The following HLF variants were observed in gnomAD, a reference collection of about 807,000 sequenced individuals.
HLF encodes the protein HLF transcription factor, PAR bZIP family member.
HLF carries 3 observed loss-of-function variants against 22.6 expected under a neutral mutation model. The ratio of observed to expected loss-of-function variants is 0.13; its 90% CI spans 0.06 to 0.34. The LOEUF (loss-of-function observed/expected upper bound fraction) is 0.34, where lower values mean the gene tolerates loss of function less well. HLF is among the 10% of genes least tolerant of loss of function. The pLI is 1.00. For synonymous variants in HLF, 151 were observed against 151.8 expected (o/e 0.99, Z 0.04); for missense variants, 299 against 389.2 (o/e 0.77, Z 1.95).
At chr17:55,274,787 A>G (rs2145304417) in intron 2 of HLF, among the ~76,000 whole-genome samples, 1 of 152,352 alleles carries the variant, frequency 6.6e-6, no homozygotes, top group Middle Eastern at 3.4e-3. Flanking sequence ...AGTAATTGTC[A>G]CAGTGCCTCG....
rs1299945592 is a variant in HLF at position 55,267,742 on chromosome 17, C to T, written c.116-9C>T. 14 of 1,534,796 alleles carry T rather than the reference C, an allele frequency of 9.1e-6. No individual in the cohort carries two copies. Among genetic ancestry groups the T allele is most frequent in the Non-Finnish European group, 1.2e-5 (14 of 1,135,040 alleles). ...TTTTTTTTAAGTCCAGCTTTCCCTT[C>T]TTCTGCAGCATTTAGTAAAGATAAA... On this transcript the variant is annotated splice_polypyrimidine_tract_variant and intron_variant, in intron 1 of 3. Coordinates refer to ENST00000226067, the MANE Select transcript of HLF (RefSeq NM_002126.5).
At chr17:55,295,860 G>T (rs146086342) in intron 2 of HLF, among the ~76,000 whole-genome samples, 1 of 152,144 alleles carries the variant, frequency 6.6e-6, no homozygotes, top group Non-Finnish European at 1.5e-5. Context: ...GGAGGAGGAG[G>T]GGGAGGCCAG....
At chr17:55,289,656 CCTTATT>C (rs1401558567) in intron 2 of HLF, among the ~76,000 whole-genome samples, 6 of 152,152 alleles carry the variant, frequency 3.9e-5, no homozygotes, top group Admixed American at 1.3e-4. Flanking sequence ...TGGCAAACAT[CCTTATT>C]CTTATCACCC....
chr17:55,270,832 C>T (rs917382022), intron 2 of HLF, among the ~76,000 whole-genome samples: 61 of 152,062 alleles, frequency 4.0e-4, no homozygotes, highest in Admixed American at 5.9e-4. Flanking sequence ...TTAGTAGAGA[C>T]GGGGTTTCAC....
In HLF at chr17:55,277,156, A is replaced by G. The variant is rs987230477; in HGVS notation, c.451+9070A>G. Among the ~76,000 whole-genome samples the G allele has an allele frequency of 2.6e-5, 4 of 152,194 alleles. No homozygotes were observed. In the East Asian group the frequency reaches 7.7e-4, roughly 29 times the overall value. On this transcript the variant is annotated intron_variant, in intron 2 of 3. Transcript: ENST00000226067. The stretch of plus-strand genomic sequence containing the variant: ...AAATAGATTTTAATAAACCCAACTC[A>G]TTAACGTTCATCACTTTTAAATGCC...
Position 55,315,430 on chromosome 17 carries a change from A to C in HLF, c.655A>C (p.Ile219Leu). ...GATCAAGAAAGCTCGCAAAGTCTTC[A>C]TCCCTGATGACCTGAAGGTAAATTG... ...PMIKKARKVFIPDDLKDDKYW... is the reference protein window; with the variant it reads ...PMIKKARKVFLPDDLKDDKYW... The change falls in exon 3 of 4, where the codon ATC becomes CTC. Residue 219 changes from isoleucine (I) to leucine (L), a missense_variant. This residue lies in a region of HLF where 224 missense variants were observed against 298.1 expected (regional missense o/e 0.75). Coordinates refer to ENST00000226067, the MANE Select transcript of HLF (RefSeq NM_002126.5). 6.2e-7 allele frequency: 1 copy of C among 1,613,782 alleles called. No individual in the cohort carries two copies. Among genetic ancestry groups the C allele is most frequent in the Non-Finnish European group, 8.5e-7 (1 of 1,179,654 alleles).
At position 55,324,483 on chromosome 17, in the gene HLF, C is replaced by T. The variant is rs1321529690; in HGVS notation, c.*3604C>T. The stretch of plus-strand genomic sequence containing the variant: ...CCCTATTCTTCCTTTAAGGAAAACT[C>T]AATCTTTATCACAGTCAATTAGAGC... On this transcript the variant is annotated 3_prime_UTR_variant, in exon 4 of 4. Transcript: ENST00000226067. 1.3e-5 allele frequency: 3 copies of T among 231,764 alleles called. No individual in the cohort carries two copies. Among genetic ancestry groups the T allele is most frequent in the Non-Finnish European group, 2.6e-5 (3 of 117,180 alleles). 14.4% of individuals were successfully genotyped at this position (231,764 alleles called of 1,614,324 possible). A position where few individuals can be genotyped will look rare whatever the true frequency, so the allele number is the denominator to read the frequency against.
At position 55,321,472 on chromosome 17, in the gene HLF, G is replaced by A. The variant is rs1214770751; in HGVS notation, c.*593G>A. 4.3e-6 allele frequency: 1 copy of A among 231,206 alleles called. No homozygotes were observed. Among genetic ancestry groups the A allele is most frequent in the East Asian group, 6.2e-5 (1 of 16,168 alleles). The allele number at this position is 231,206 out of a possible 1,614,324, so 14.3% of individuals were successfully genotyped here. ...ATAATCGTCTTCAAATTAAAGTGCT[G>A]TTTAGATTTATTAGATCCCATATTT... is the stretch of plus-strand genomic sequence containing the variant. On this transcript the variant is annotated 3_prime_UTR_variant, in exon 4 of 4. Coordinates refer to ENST00000226067, the MANE Select transcript of HLF (RefSeq NM_002126.5).
At chr17:55,279,159 T>C (rs1056334182) in intron 2 of HLF, among the ~76,000 whole-genome samples, 6 of 152,238 alleles carry the variant, frequency 3.9e-5, no homozygotes, top group African/African-American at 1.2e-4. Context: ...ATAATATTTA[T>C]ATTCATGTCA....
intron 2 of HLF, among the ~76,000 whole-genome samples, chr17:55,274,660 G>A (rs572787769): frequency 6.6e-6 from 1 of 152,208 alleles, no homozygotes; most frequent in Non-Finnish European, 1.5e-5. Context: ...AGCTGCTCAC[G>A]ATCTCAGGCA....
chr17:55,267,343 G>T (rs1038668741), intron 1 of HLF, among the ~76,000 whole-genome samples: 1 of 152,182 alleles, frequency 6.6e-6, no homozygotes, highest in African/African-American at 2.4e-5. Context: ...CTGCTGTGAT[G>T]AATTCCTGGA....
chr17:55,315,496 CACAG>C (rs2145371149), intron 3 of HLF, 49 bp downstream of exon 3: 1 of 1,341,630 alleles, frequency 7.5e-7, no homozygotes, highest in East Asian at 2.3e-5. Context: ...GAGTGGGATC[CACAG>C]ACAGATTAAA....
intron 2 of HLF, among the ~76,000 whole-genome samples, chr17:55,299,525 C>G (rs1312802134): frequency 1.3e-5 from 2 of 152,146 alleles, no homozygotes; most frequent in Admixed American, 6.5e-5. Flanking sequence ...AGCCTTGGTT[C>G]TCAACATACC....
intron 2 of HLF, among the ~76,000 whole-genome samples, chr17:55,297,868 A>G (rs750315434): frequency 4.2e-5 from 6 of 142,660 alleles, no homozygotes; most frequent in African/African-American, 7.9e-5. Flanking sequence ...TCCTGTCTCA[A>G]CCTCCCAAGT....
intron 3 of HLF, among the ~76,000 whole-genome samples, chr17:55,316,968 T>G (rs1905093122): frequency 1.5e-5 from 2 of 131,376 alleles, no homozygotes; most frequent in Non-Finnish European, 3.1e-5. Flanking sequence ...TTATGGTGTT[T>G]TTTTTTTTTT....
rs1262155294 is a variant in HLF at position 55,321,648 on chromosome 17, A to C, written c.*769A>C. 1 of 228,070 alleles carries C rather than the reference A, an allele frequency of 4.4e-6. No individual in the cohort carries two copies. The highest frequency in any genetic ancestry group is 6.3e-5 in the East Asian group (1 of 15,842). 14.1% of individuals were successfully genotyped at this position (228,070 alleles called of 1,614,324 possible). ...TAGAGCATGCTGCCTGAGTATTACT[A>C]GTGGACGTAGGATATTTTCCCTACC... On this transcript the variant is annotated 3_prime_UTR_variant, in exon 4 of 4. Coordinates refer to ENST00000226067, the MANE Select transcript of HLF (RefSeq NM_002126.5).
chr17:55,321,653 A>G lies in HLF; in HGVS notation c.*774A>G. 1 of 228,382 alleles carries G rather than the reference A, an allele frequency of 4.4e-6. No homozygotes were observed. The highest frequency in any genetic ancestry group is 8.7e-6 in the Non-Finnish European group (1 of 114,792). 14.1% of individuals were successfully genotyped at this position (228,382 alleles called of 1,614,324 possible). ...CATGCTGCCTGAGTATTACTAGTGG[A>G]CGTAGGATATTTTCCCTACCTAAGA... On this transcript the variant is annotated 3_prime_UTR_variant, in exon 4 of 4. Coordinates refer to ENST00000226067, the MANE Select transcript of HLF (RefSeq NM_002126.5).
chr17:55,314,893 A>G (rs1905001360), intron 2 of HLF, among the ~76,000 whole-genome samples: 1 of 152,202 alleles, frequency 6.6e-6, no homozygotes, highest in African/African-American at 2.4e-5. Flanking sequence ...TCAAGGTGAA[A>G]ATTACGTAGT....
At chr17:55,279,757 C>T (rs1598391936) in intron 2 of HLF, among the ~76,000 whole-genome samples, 1 of 152,042 alleles carries the variant, frequency 6.6e-6, no homozygotes, top group Non-Finnish European at 1.5e-5. Context: ...GAATTTTTTT[C>T]ATTCTGACAT....
Sources: allele counts gnomAD v4.1 joint callset (sites outside exome capture counted in the v4.1 genomes callset), GRCh38; gene constraint gnomAD v4.1.1; regional missense constraint gnomAD v4.1.1; transcripts MANE v1.5; gene names NCBI Gene and HGNC (gene_info 2026-07-23, HGNC 2026-07-21).